Variants in SLC35D4 observed in about 807,000 individuals in gnomAD.
SLC35D4 encodes UDP-N-acetylglucosamine transporter SLC35D4.
chr18:23,388,627 T>TA, the SLC35D4 span, among the ~76,000 whole-genome samples: 105,532 of 152,042 alleles, frequency 0.69, 36,871 homozygotes, highest in East Asian at 0.79. Flanking sequence ...GCCATTTGCT[T>TA]CTCCAGTAAT....
the SLC35D4 span, among the ~76,000 whole-genome samples, chr18:23,359,115 G>A: frequency 2.6e-4 from 39 of 152,164 alleles, no homozygotes; most frequent in African/African-American, 8.7e-4. Context: ...GGCTGGGCGC[G>A]GTGGCTGACG....
the SLC35D4 span, among the ~76,000 whole-genome samples, chr18:23,382,339 A>G: frequency 0.025 from 3,724 of 151,014 alleles, 55 homozygotes; most frequent in Middle Eastern, 0.062. Flanking sequence ...AGCCACTCTC[A>G]GGGAAGTTCT....
the SLC35D4 span, chr18:23,257,335 C>T: frequency 6.2e-7 from 1 of 1,612,766 alleles, no homozygotes; most frequent in East Asian, 2.2e-5. Context: ...CGAAGTCATG[C>T]CCCACTACAG....
At chr18:23,318,938 G>A in the SLC35D4 span, among the ~76,000 whole-genome samples, 8 of 152,034 alleles carry the variant, frequency 5.3e-5, no homozygotes, top group East Asian at 1.5e-3. Context: ...CCGCCTCCTA[G>A]GTTCAAGTGA....
chr18:23,284,228 T>C, the SLC35D4 span, among the ~76,000 whole-genome samples: 1 of 152,186 alleles, frequency 6.6e-6, no homozygotes, highest in South Asian at 2.1e-4. Context: ...GCTGCCCTCC[T>C]GACTCATCCT....
the SLC35D4 span, among the ~76,000 whole-genome samples, chr18:23,422,687 C>G: frequency 6.6e-6 from 1 of 152,214 alleles, no homozygotes; most frequent in African/African-American, 2.4e-5. Flanking sequence ...ATGATTCTTC[C>G]TGCTGCCACA....
chr18:23,335,897 T>A, the SLC35D4 span, among the ~76,000 whole-genome samples: 2 of 152,314 alleles, frequency 1.3e-5, no homozygotes, highest in South Asian at 2.1e-4. Context: ...TCAGGAAGTT[T>A]ACAGAAAGTA....
chr18:23,244,742 A>T, the SLC35D4 span, among the ~76,000 whole-genome samples: 2 of 152,286 alleles, frequency 1.3e-5, no homozygotes, highest in African/African-American at 4.8e-5. Flanking sequence ...TTCCTTTCAC[A>T]GGCGTGGTGT....
the SLC35D4 span, among the ~76,000 whole-genome samples, chr18:23,340,144 G>A: frequency 6.6e-6 from 1 of 152,030 alleles, no homozygotes; most frequent in Non-Finnish European, 1.5e-5. Flanking sequence ...AGAATCTAGT[G>A]CTTGGGCAAC....
the SLC35D4 span, among the ~76,000 whole-genome samples, chr18:23,313,445 G>C: frequency 6.6e-6 from 1 of 151,898 alleles, no homozygotes; most frequent in Non-Finnish European, 1.5e-5. Context: ...GGCTTACAAA[G>C]GAATGCACTG....
the SLC35D4 span, among the ~76,000 whole-genome samples, chr18:23,391,488 G>A: frequency 1.3e-5 from 2 of 152,152 alleles, no homozygotes; most frequent in Admixed American, 6.5e-5. Context: ...GAGGCCTCAG[G>A]AAAACTTCAA....
the SLC35D4 span, among the ~76,000 whole-genome samples, chr18:23,401,271 C>T: frequency 6.6e-6 from 1 of 152,164 alleles, no homozygotes; most frequent in African/African-American, 2.4e-5. Flanking sequence ...GGCTCCAAAG[C>T]CCTAGCTGTT....
chr18:23,434,285 T>G, the SLC35D4 span, among the ~76,000 whole-genome samples: 1 of 152,150 alleles, frequency 6.6e-6, no homozygotes, highest in African/African-American at 2.4e-5. Context: ...TGCCTTCTGC[T>G]GTTCTTGACC....
At chr18:23,360,004 G>A in the SLC35D4 span, among the ~76,000 whole-genome samples, 6 of 152,322 alleles carry the variant, frequency 3.9e-5, no homozygotes, top group East Asian at 1.9e-4. Context: ...TCCCACCACC[G>A]CTGCCAGCGC....
the SLC35D4 span, among the ~76,000 whole-genome samples, chr18:23,422,443 C>G: frequency 6.6e-6 from 1 of 152,042 alleles, no homozygotes; most frequent in East Asian, 1.9e-4. Flanking sequence ...AGCACAATAT[C>G]CTATTGATTT....
the SLC35D4 span, among the ~76,000 whole-genome samples, chr18:23,302,872 C>T: frequency 1.3e-5 from 2 of 152,216 alleles, no homozygotes; most frequent in African/African-American, 4.8e-5. Context: ...AATGCAGGCC[C>T]AACATTAACA....
At chr18:23,434,570 C>A in the SLC35D4 span, among the ~76,000 whole-genome samples, 1 of 152,050 alleles carries the variant, frequency 6.6e-6, no homozygotes, top group African/African-American at 2.4e-5. Flanking sequence ...GTGGGCAGAT[C>A]GCTTGAGCCC....
chr18:23,238,982 C>T, the SLC35D4 span, among the ~76,000 whole-genome samples: 152 of 152,328 alleles, frequency 1.0e-3, 1 homozygote, highest in African/African-American at 3.4e-3. Context: ...TCGATGTTGG[C>T]GGGAGCTGTC....
At chr18:23,356,593 C>T in the SLC35D4 span, 1 of 1,614,086 alleles carries the variant, frequency 6.2e-7, no homozygotes, top group Non-Finnish European at 8.5e-7. The surrounding 1 kb of genome is among the most constrained non-coding windows in gnomAD (Gnocchi z 4.1). Context: ...CTTACGATTA[C>T]CTGGCACAGC....
Sources: gnomAD v4.1 joint callset for allele counts (sites outside exome capture counted in the v4.1 genomes callset) on GRCh38, gnomAD v4.1.1 for gene constraint, Gnocchi (gnomAD v3.1) non-coding constraint, MANE v1.5 for transcripts, NCBI Gene and HGNC (gene_info 2026-07-23, HGNC 2026-07-21) for gene names.